TPH2: variants seen among roughly 807,000 people sequenced by gnomAD.
The protein encoded by TPH2 is tryptophan 5-hydroxylase 2.
TPH2 carries 27 observed loss-of-function variants against 59.1 expected under a neutral mutation model. The observed-to-expected ratio is 0.46, with a 90% CI of 0.34 to 0.63. The LOEUF (loss-of-function observed/expected upper bound fraction) is 0.63. Among genes scored for constraint, TPH2 ranks in the 30% least tolerant of loss-of-function variants. The pLI is 0.01. For missense variants in TPH2, 523 were observed against 588.3 expected (o/e 0.89, Z 1.15); for synonymous variants, 220 against 210.5 (o/e 1.05, Z -0.39).
At chr12:71,956,610 T>C (rs1471540229) in intron 5 of TPH2, among the ~76,000 whole-genome samples, 1 of 150,692 alleles carries the variant, frequency 6.6e-6, no homozygotes, top group Non-Finnish European at 1.5e-5. Flanking sequence ...CCTCTTTCTC[T>C]CCTTCCTTCC....
Position 71,951,603 on chromosome 12 carries a change from C to T in TPH2, c.608+1948C>T, listed in dbSNP as rs184488376. ...GCTCAAGTGATCCTCCTGCCTTGGCCTCCCAAACTATTGGGATTATAGGTG... is the reference window on the plus strand; with the variant it reads ...GCTCAAGTGATCCTCCTGCCTTGGCTTCCCAAACTATTGGGATTATAGGTG... On this transcript the variant is annotated intron_variant, in intron 5 of 10. Transcript: ENST00000333850. Among the ~76,000 whole-genome samples, 263 of 152,264 alleles carry T rather than the reference C, an allele frequency of 1.7e-3. 3 individuals carry two copies. The highest frequency in any genetic ancestry group is 6.2e-3 in the African/African-American group (259 of 41,532).
chr12:71,951,580 T>G (rs1871347129), intron 5 of TPH2, among the ~76,000 whole-genome samples: 1 of 152,226 alleles, frequency 6.6e-6, no homozygotes, highest in Non-Finnish European at 1.5e-5. Flanking sequence ...ACTCCTGGGC[T>G]CAAGTGATCC....
intron 5 of TPH2, among the ~76,000 whole-genome samples, chr12:71,954,237 G>C (rs1434295672): frequency 6.6e-6 from 1 of 152,144 alleles, no homozygotes; most frequent in Non-Finnish European, 1.5e-5. Flanking sequence ...CTGATTGACA[G>C]TGCTGCTGAG....
At chr12:72,008,752 T>A (rs1025360096) in intron 8 of TPH2, among the ~76,000 whole-genome samples, 4 of 152,154 alleles carry the variant, frequency 2.6e-5, no homozygotes, top group African/African-American at 7.2e-5. Context: ...GGGTCCAGTC[T>A]AGCAAACTAC....
intron 7 of TPH2, among the ~76,000 whole-genome samples, chr12:71,981,832 A>G: frequency 6.6e-6 from 1 of 151,960 alleles, no homozygotes; most frequent in Non-Finnish European, 1.5e-5. Context: ...TTACAAATAA[A>G]GATTATAAAC....
chr12:71,961,360 G>C (rs886708598), intron 5 of TPH2, among the ~76,000 whole-genome samples: 1 of 152,186 alleles, frequency 6.6e-6, no homozygotes, highest in African/African-American at 2.4e-5. Flanking sequence ...ACAGTGAAAT[G>C]GGTGGGTGAA....
intron 8 of TPH2, among the ~76,000 whole-genome samples, chr12:71,998,377 C>T (rs1872742865): frequency 6.6e-6 from 1 of 152,024 alleles, no homozygotes; most frequent in Non-Finnish European, 1.5e-5. Flanking sequence ...TAACCTCACA[C>T]AGTGTGAGGA....
chr12:71,948,032 C>T (rs983669764), intron 4 of TPH2, among the ~76,000 whole-genome samples: 2 of 152,270 alleles, frequency 1.3e-5, no homozygotes, highest in African/African-American at 4.8e-5. Context: ...GTTTTACCAT[C>T]TCAAGTAGCC....
At chr12:71,990,289 G>A (rs1202705083) in intron 7 of TPH2, among the ~76,000 whole-genome samples, 1 of 152,108 alleles carries the variant, frequency 6.6e-6, no homozygotes. Flanking sequence ...ACCAAAGTAG[G>A]GATCTCAAAC....
intron 8 of TPH2, among the ~76,000 whole-genome samples, chr12:72,013,884 T>TTA (rs1440010930): frequency 6.6e-6 from 1 of 151,932 alleles, no homozygotes; most frequent in African/African-American, 2.4e-5. Context: ...ACACTCTAGC[T>TTA]GGGGTAGGTG....
At chr12:71,976,712 A>G (rs547467743) in intron 6 of TPH2, among the ~76,000 whole-genome samples, 6 of 152,338 alleles carry the variant, frequency 3.9e-5, no homozygotes, top group Non-Finnish European at 8.8e-5. Flanking sequence ...AGGAGGCCTG[A>G]GAACAGGTTA....
At chr12:72,016,130 C>G (rs949566262) in intron 8 of TPH2, among the ~76,000 whole-genome samples, 1 of 152,094 alleles carries the variant, frequency 6.6e-6, no homozygotes, top group Non-Finnish European at 1.5e-5. Flanking sequence ...TCTCAGTATT[C>G]CCATCTATAA....
chr12:72,010,547 G>T (rs1173580690), intron 8 of TPH2, among the ~76,000 whole-genome samples: 2 of 152,190 alleles, frequency 1.3e-5, no homozygotes, highest in East Asian at 1.9e-4. Context: ...CAATGGAGTG[G>T]CAAGAATGAC....
At chr12:71,985,625 C>T (rs1872410251) in intron 7 of TPH2, among the ~76,000 whole-genome samples, 1 of 152,142 alleles carries the variant, frequency 6.6e-6, no homozygotes, top group Non-Finnish European at 1.5e-5. Context: ...TCTCGAACTC[C>T]TGACCTCGTG....
At chr12:71,991,901 G>T (rs561020128) in intron 7 of TPH2, among the ~76,000 whole-genome samples, 1 of 152,306 alleles carries the variant, frequency 6.6e-6, no homozygotes, top group South Asian at 2.1e-4. Flanking sequence ...CTTGAAGCTT[G>T]CTAGGAGAGC....
intron 6 of TPH2, among the ~76,000 whole-genome samples, chr12:71,976,341 C>T (rs1464082133): frequency 6.6e-6 from 1 of 152,166 alleles, no homozygotes; most frequent in Non-Finnish European, 1.5e-5. Context: ...TTGTATCACG[C>T]ACTGGCATGT....
intron 8 of TPH2, among the ~76,000 whole-genome samples, chr12:72,006,967 G>A (rs116114775): frequency 0.043 from 6,520 of 152,052 alleles, 484 homozygotes; most frequent in African/African-American, 0.15. Context: ...CAGACTTCTG[G>A]GTGGCCATAT....
At chr12:72,025,074 C>T (rs1033053243) in intron 9 of TPH2, among the ~76,000 whole-genome samples, 3 of 152,154 alleles carry the variant, frequency 2.0e-5, no homozygotes, top group Non-Finnish European at 4.4e-5. Context: ...CCAGAGCCCT[C>T]TCAAAGCACT....
At position 71,938,949 on chromosome 12, in the gene TPH2, AC is replaced by A; in HGVS notation, c.-33del. 1 of 1,552,636 alleles carries A rather than the reference AC, an allele frequency of 6.4e-7. No homozygotes were observed. The highest frequency in any genetic ancestry group is 8.9e-7 in the Non-Finnish European group (1 of 1,124,950). On this transcript the variant is annotated 5_prime_UTR_variant, in exon 1 of 11. Coordinates refer to ENST00000333850, the MANE Select transcript of TPH2 (RefSeq NM_173353.4). ...CCAGCGCTGCTACTGCCCCTCTAGT[AC>A]CCCCTGCTGCAGAGAAAGAATATTA...
Sources: gnomAD v4.1 joint callset for allele counts (sites outside exome capture counted in the v4.1 genomes callset) on GRCh38, gnomAD v4.1.1 for gene constraint, MANE v1.5 for transcripts, NCBI Gene and HGNC (gene_info 2026-07-23, HGNC 2026-07-21) for gene names.